Variants in PAQR5 observed in about 807,000 individuals in gnomAD.
PAQR5 encodes the protein progestin and adipoQ receptor family member 5, also known as membrane progestin receptor gamma.
A neutral mutation model predicts 34.5 loss-of-function variants in PAQR5; 20 were observed. That is an observed-to-expected ratio of 0.58 (90% confidence interval 0.41 to 0.84). PAQR5 has a LOEUF of 0.84. Among genes scored for constraint, PAQR5 ranks in the 40% least tolerant of loss-of-function variants. The pLI is 0.00. For synonymous variants in PAQR5, 131 were observed against 155.6 expected, an observed-to-expected ratio of 0.84 and a Z score of 1.18; for missense variants, 378 against 412.7, an observed-to-expected ratio of 0.92 and a Z score of 0.73.
chr15:69,343,852 C>T (rs898535246), intron 2 of PAQR5, among the ~76,000 whole-genome samples: 1 of 152,194 alleles, frequency 6.6e-6, no homozygotes, highest in Admixed American at 6.5e-5. Flanking sequence ...AGGAACCCCA[C>T]AATCTCAGCA....
chr15:69,350,633 AC>A (rs1177843161), intron 2 of PAQR5, among the ~76,000 whole-genome samples: 7 of 151,842 alleles, frequency 4.6e-5, no homozygotes. Flanking sequence ...ACAGAGTGAG[AC>A]CCTTTCTCAA....
In PAQR5 at chr15:69,322,735, A is replaced by AGGG. The variant is rs1566997681; in HGVS notation, c.-276-14606_-276-14605insGGG. On this transcript the variant is annotated intron_variant, in intron 1 of 8. Transcript: ENST00000395407. ...GAAGAAGAAGAAGAAGAAGAAGAAG[A>AGGG]AGAAGAAGAAGAAGAAGAAGAAGAA... Among the ~76,000 whole-genome samples the AGGG allele has an allele frequency of 3.4e-3, 111 of 32,734 alleles. 17 individuals are homozygous for AGGG. The highest frequency in any genetic ancestry group is 0.011 in the Middle Eastern group (1 of 90). 21.5% of individuals were successfully genotyped at this position (32,734 alleles called of 152,430 possible). A position where few individuals can be genotyped will look rare whatever the true frequency, so the allele number is the denominator to read the frequency against.
chr15:69,326,217 C>T (rs886768435), intron 1 of PAQR5, among the ~76,000 whole-genome samples: 7 of 152,126 alleles, frequency 4.6e-5, no homozygotes, highest in African/African-American at 1.7e-4. Flanking sequence ...AGACACCTGA[C>T]TTTTATCACC....
At chr15:69,393,507 C>T (rs1025178148) in intron 6 of PAQR5, among the ~76,000 whole-genome samples, 4 of 147,644 alleles carry the variant, frequency 2.7e-5, no homozygotes, top group Non-Finnish European at 4.5e-5. Flanking sequence ...AGACAATACC[C>T]TCTGGGTCCT....
intron 1 of PAQR5, among the ~76,000 whole-genome samples, chr15:69,312,973 C>A (rs2053864916): frequency 6.6e-6 from 1 of 152,150 alleles, no homozygotes; most frequent in African/African-American, 2.4e-5. Context: ...CCTCATGCTA[C>A]CTTGGGATTT....
Position 69,317,767 on chromosome 15 carries a change from C to T in PAQR5, c.-277+18711C>T, listed in dbSNP as rs528449683. 3.9e-5 allele frequency among the ~76,000 whole-genome samples: 6 copies of T among 152,222 alleles called. No individual in the cohort carries two copies. The East Asian group carries it at 9.7e-4, about 25-fold the overall frequency. On this transcript the variant is annotated intron_variant, in intron 1 of 8. Coordinates refer to ENST00000395407, the MANE Select transcript of PAQR5 (RefSeq NM_017705.4). ...GGGTGCTATGTCTTGGCTTTCTCCACGTGCCCACCCTCCTTTCCCCTTCTC... is the reference window on the plus strand; with the variant it reads ...GGGTGCTATGTCTTGGCTTTCTCCATGTGCCCACCCTCCTTTCCCCTTCTC...
chr15:69,319,431 G>A (rs941030046), intron 1 of PAQR5, among the ~76,000 whole-genome samples: 2 of 151,448 alleles, frequency 1.3e-5, no homozygotes, highest in Admixed American at 6.6e-5. Flanking sequence ...TGACCCGAAC[G>A]AGCACAGCTC....
At chr15:69,301,307 A>G (rs1045921964) in intron 1 of PAQR5, among the ~76,000 whole-genome samples, 2 of 152,022 alleles carry the variant, frequency 1.3e-5, no homozygotes, top group African/African-American at 4.8e-5. Flanking sequence ...CCCAGCCCCC[A>G]TGTGCTTTTC....
chr15:69,320,448 TAGC>T (rs36093545), intron 1 of PAQR5, among the ~76,000 whole-genome samples: 72,478 of 151,812 alleles, frequency 0.48, 20,435 homozygotes, highest in Middle Eastern at 0.64. Context: ...GAGAGGTGCC[TAGC>T]ATCCCCTTCC....
chr15:69,321,063 T>C (rs2054085111), intron 1 of PAQR5, among the ~76,000 whole-genome samples: 2 of 152,224 alleles, frequency 1.3e-5, no homozygotes, highest in Admixed American at 1.3e-4. Context: ...TTGAGTTCTT[T>C]GGTTTTATCT....
intron 1 of PAQR5, among the ~76,000 whole-genome samples, chr15:69,322,790 G>GGAA (rs1368686628): frequency 0.032 from 426 of 13,150 alleles, 131 homozygotes; most frequent in African/African-American, 0.07. Context: ...AAGAAGACGA[G>GGAA]GAAGAAGAAG....
intron 1 of PAQR5, among the ~76,000 whole-genome samples, chr15:69,310,191 A>G (rs950204037): frequency 3.3e-5 from 5 of 152,208 alleles, no homozygotes; most frequent in African/African-American, 1.2e-4. Context: ...GCCACCACAA[A>G]TGATTTCCCA....
At chr15:69,311,888 C>A (rs543279595) in intron 1 of PAQR5, among the ~76,000 whole-genome samples, 9 of 152,206 alleles carry the variant, frequency 5.9e-5, no homozygotes, top group African/African-American at 1.9e-4. Flanking sequence ...CCTGCAGGTA[C>A]AATTGAGACC....
chr15:69,389,634 G>T lies in PAQR5; in HGVS notation c.386-20G>T. 1 of 1,614,020 alleles carries T rather than the reference G, an allele frequency of 6.2e-7. No individual in the cohort carries two copies. The highest frequency in any genetic ancestry group is 8.5e-7 in the Non-Finnish European group (1 of 1,179,922). On this transcript the variant is annotated intron_variant, in intron 5 of 8. Coordinates refer to ENST00000395407, the MANE Select transcript of PAQR5 (RefSeq NM_017705.4). ...TGCCAAGGCCTGGCTCCTCTCCCAA[G>T]GCTGGCTTTTCTTCCCCAGGCTCAG...
intron 1 of PAQR5, among the ~76,000 whole-genome samples, chr15:69,317,184 T>G (rs2053972309): frequency 6.6e-6 from 1 of 152,240 alleles, no homozygotes; most frequent in African/African-American, 2.4e-5. Flanking sequence ...ATCATCTCCA[T>G]TTCACAAGGG....
chr15:69,318,101 A>C (rs1399545457), intron 1 of PAQR5, among the ~76,000 whole-genome samples: 1 of 152,218 alleles, frequency 6.6e-6, no homozygotes, highest in African/African-American at 2.4e-5. Context: ...AGGACTCAGC[A>C]GTGGGCAAGG....
chr15:69,332,899 G>A (rs372755897), intron 1 of PAQR5, among the ~76,000 whole-genome samples: 4 of 151,458 alleles, frequency 2.6e-5, no homozygotes, highest in African/African-American at 9.7e-5. Context: ...GAAGTTAACT[G>A]TGGTAGAATT....
At chr15:69,335,711 G>T (rs2054500709) in intron 1 of PAQR5, among the ~76,000 whole-genome samples, 1 of 151,816 alleles carries the variant, frequency 6.6e-6, no homozygotes, top group African/African-American at 2.4e-5. Context: ...CCACCCTTAG[G>T]TTAAAGCATT....
intron 7 of PAQR5, among the ~76,000 whole-genome samples, chr15:69,399,300 A>G (rs1363060759): frequency 6.6e-6 from 1 of 152,032 alleles, no homozygotes; most frequent in Non-Finnish European, 1.5e-5. Flanking sequence ...ATTTTCTTCC[A>G]CCTCTGCCAC....
Sources: allele counts gnomAD v4.1 joint callset (sites outside exome capture counted in the v4.1 genomes callset), GRCh38; gene constraint gnomAD v4.1.1; transcripts MANE v1.5; gene names NCBI Gene and HGNC (gene_info 2026-07-23, HGNC 2026-07-21).